OSBP: variants seen among roughly 807,000 people sequenced by gnomAD.
The protein encoded by OSBP is oxysterol-binding protein 1.
OSBP carries 32 observed loss-of-function variants against 96.6 expected under a neutral mutation model. That is an observed-to-expected ratio of 0.33 (90% CI 0.25 to 0.45). The LOEUF is 0.45. Ranked by LOEUF, OSBP falls within the 20% of genes least tolerant of loss-of-function variation. The pLI, the probability that OSBP is intolerant of heterozygous loss-of-function variation, is 1.00. For synonymous variants in OSBP, 369 were observed against 389.6 expected, an observed-to-expected ratio of 0.95 and a Z score of 0.62; for missense variants, 653 against 1,029.7, an observed-to-expected ratio of 0.63 and a Z score of 5.01.
chr11:59,588,522 T>A (rs1437241705), intron 9 of OSBP, among the ~76,000 whole-genome samples: 1 of 135,438 alleles, frequency 7.4e-6, no homozygotes, highest in African/African-American at 2.8e-5. Context: ...GGTGAGAGAG[T>A]GAGACTCGGT....
intron 9 of OSBP, among the ~76,000 whole-genome samples, chr11:59,589,151 C>CT (rs11335531): frequency 1.1e-3 from 131 of 123,974 alleles, no homozygotes; most frequent in Non-Finnish European, 6.7e-4. Flanking sequence ...AGCAATCATT[C>CT]TTTTTTTTTT....
At chr11:59,595,776 T>TAA (rs373864744) in intron 7 of OSBP, among the ~76,000 whole-genome samples, 3 of 144,574 alleles carry the variant, frequency 2.1e-5, no homozygotes, top group East Asian at 2.0e-4. Flanking sequence ...ACCATCTCTA[T>TAA]AAAAAAAAAA....
intron 11 of OSBP, 35 bp downstream of exon 11, chr11:59,580,139 C>A (rs770860725): frequency 1.5e-6 from 2 of 1,347,530 alleles, no homozygotes; most frequent in Non-Finnish European, 2.1e-6. Flanking sequence ...GAGATACATG[C>A]TACGTGAAAC....
intron 7 of OSBP, among the ~76,000 whole-genome samples, chr11:59,600,273 C>T (rs1455419809): frequency 1.3e-5 from 2 of 152,198 alleles, no homozygotes; most frequent in Non-Finnish European, 2.9e-5. Flanking sequence ...TCAAAAATAA[C>T]TGCTACTGAG....
At chr11:59,600,387 A>T in intron 7 of OSBP, 109 bp downstream of exon 7, 1 of 1,172,208 alleles carries the variant, frequency 8.5e-7, no homozygotes, top group Non-Finnish European at 1.2e-6. Flanking sequence ...GGTAAAAAAG[A>T]CCATGCCACA....
At chr11:59,601,224 T>C (rs779937731) in intron 5 of OSBP, 59 bp downstream of exon 5, 4 of 937,158 alleles carry the variant, frequency 4.3e-6, no homozygotes, top group Non-Finnish European at 7.0e-6. Flanking sequence ...GATGCTAAAA[T>C]ACCACCATAT....
chr11:59,587,730 G>T (rs1030808117), intron 9 of OSBP, among the ~76,000 whole-genome samples: 1 of 152,204 alleles, frequency 6.6e-6, no homozygotes, highest in African/African-American at 2.4e-5. Context: ...CTGTTGGTGG[G>T]AATGTATAAC....
chr11:59,579,337 T>C (rs1490971285), intron 11 of OSBP, among the ~76,000 whole-genome samples: 2 of 146,916 alleles, frequency 1.4e-5, no homozygotes, highest in African/African-American at 2.5e-5. Flanking sequence ...CTTTCTTTCT[T>C]TTTTTTTTTT....
In OSBP at chr11:59,594,780, T is replaced by C. The variant is rs377012545; in HGVS notation, c.1312-525A>G. ...TTCTGCATCAGGCCAGGATTCTGAT[T>C]TCTCCTCTGAGGCTGGATAATTGTG... On this transcript the variant is annotated intron_variant, in intron 7 of 13. Coordinates refer to ENST00000263847, the MANE Select transcript of OSBP (RefSeq NM_002556.3). 2.0e-5 allele frequency among the ~76,000 whole-genome samples: 3 copies of C among 152,200 alleles called. No individual in the cohort carries two copies. The South Asian group carries it at 6.2e-4, about 32-fold the overall frequency.
In OSBP at chr11:59,590,060, G is replaced by A. The variant is rs1860558644; in HGVS notation, c.1678+3544C>T. ...GAAACTTCAGTTATATTTTCTAGAA[G>A]CATTCTTCTTTCCAAATGTCAAGGG... On this transcript the variant is annotated intron_variant, in intron 9 of 13. Transcript: ENST00000263847. Among the ~76,000 whole-genome samples, 2 of 151,970 alleles carry A rather than the reference G, an allele frequency of 1.3e-5. 1 individual carries two copies. Among genetic ancestry groups the A allele is most frequent in the Admixed American group, 1.3e-4 (2 of 15,246 alleles).
chr11:59,601,024 A>T, intron 5 of OSBP, 151 bp from the exon 6 acceptor site: 4 of 705,012 alleles, frequency 5.7e-6, no homozygotes, highest in Non-Finnish European at 7.2e-6. Flanking sequence ...GAATGAATTT[A>T]AGTATCTCTG....
rs1360750859 is a variant in OSBP, at chr11:59,587,428, A to G, written c.1679-5874T>C. ...TAGGCAGGAGAATCACCTGAACCCA[A>G]GAGGTGGAGGTTGCAGTGAGCCAAG... On this transcript the variant is annotated intron_variant, in intron 9 of 13. Coordinates refer to ENST00000263847, the MANE Select transcript of OSBP (RefSeq NM_002556.3). Among the ~76,000 whole-genome samples, 115 of 152,054 alleles carry G rather than the reference A, an allele frequency of 7.6e-4. 1 individual carries two copies. The highest frequency in any genetic ancestry group is 2.9e-5 in the Non-Finnish European group (2 of 67,970).
chr11:59,596,586 CAA>C (rs113563479), intron 7 of OSBP, among the ~76,000 whole-genome samples: 10 of 141,900 alleles, frequency 7.0e-5, no homozygotes, highest in African/African-American at 1.8e-4. Flanking sequence ...ATTAGGCACC[CAA>C]AAAAAAAAAA....
intron 1 of OSBP, among the ~76,000 whole-genome samples, chr11:59,613,686 T>A (rs1860882843): frequency 6.6e-6 from 1 of 152,200 alleles, no homozygotes; most frequent in Non-Finnish European, 1.5e-5. Flanking sequence ...AAATGGATGG[T>A]CCTGGATAAG....
intron 9 of OSBP, among the ~76,000 whole-genome samples, chr11:59,582,073 T>A (rs754900871): frequency 6.6e-6 from 1 of 152,250 alleles, no homozygotes; most frequent in Non-Finnish European, 1.5e-5. Flanking sequence ...CTAGTCCTCA[T>A]TAGATGTATG....
intron 9 of OSBP, among the ~76,000 whole-genome samples, chr11:59,591,119 T>C (rs2134661443): frequency 6.6e-6 from 1 of 152,336 alleles, no homozygotes; most frequent in Non-Finnish European, 1.5e-5. Context: ...TATCAAATTG[T>C]TTTCTTTTTA....
chr11:59,604,258 T>C (rs920642915), intron 3 of OSBP, among the ~76,000 whole-genome samples: 1 of 152,112 alleles, frequency 6.6e-6, no homozygotes, highest in African/African-American at 2.4e-5. Flanking sequence ...GTGTTAGTTA[T>C]TATAATTATA....
chr11:59,593,698 C>A lies in OSBP; in HGVS notation c.1584G>T (p.Ala528=). 6.2e-7 allele frequency: 1 copy of A among 1,613,996 alleles called. No individual in the cohort carries two copies. The highest frequency in any genetic ancestry group is 2.2e-5 in the East Asian group (1 of 44,862). Residue 528 remains alanine (A), a synonymous_variant, in exon 9 of 14, where the codon GCG becomes GCT. Coordinates refer to ENST00000263847, the MANE Select transcript of OSBP (RefSeq NM_002556.3). ...AGCCATTTTTGGACTCAGCATGGTG[C>A]GCAGCAGCAGGGGGATGATGACTCA... ...EQVSHHPPAA[A]HHAESKNGWT...
intron 9 of OSBP, among the ~76,000 whole-genome samples, chr11:59,588,831 C>A (rs933363439): frequency 6.6e-6 from 1 of 151,908 alleles, no homozygotes; most frequent in African/African-American, 2.4e-5. Flanking sequence ...CATGGAGAAA[C>A]CCCGTGTCTA....
Sources: gnomAD v4.1 joint callset for allele counts (sites outside exome capture counted in the v4.1 genomes callset) on GRCh38, gnomAD v4.1.1 for gene constraint, MANE v1.5 for transcripts, NCBI Gene and HGNC (gene_info 2026-07-23, HGNC 2026-07-21) for gene names.